The following RHOT1 variants were observed in gnomAD, a reference collection of about 807,000 sequenced individuals.
The protein encoded by RHOT1 is ras homolog family member T1.
A neutral mutation model predicts 95.3 loss-of-function variants in RHOT1; 27 were observed. That is an observed-to-expected ratio of 0.28 (90% CI 0.21 to 0.39). The LOEUF (loss-of-function observed/expected upper bound fraction) is 0.39, where lower values mean the gene tolerates loss of function less well. Among genes scored for constraint, RHOT1 ranks in the 10% least tolerant of loss-of-function variants. RHOT1 has a pLI of 1.00. For missense variants in RHOT1, 578 were observed against 786.7 expected (o/e 0.73, Z 3.17); for synonymous variants, 227 against 263.5 (o/e 0.86, Z 1.34).
At chr17:32,174,813 G>A (rs2034862928) in intron 3 of RHOT1, among the ~76,000 whole-genome samples, 1 of 152,136 alleles carries the variant, frequency 6.6e-6, no homozygotes, top group South Asian at 2.1e-4. Flanking sequence ...CACCCATTGA[G>A]ACCAGTTCTA....
rs16967164 is a variant in RHOT1 at position 32,206,951 on chromosome 17, A to G, written c.1458A>G (p.Glu486=). Residue 486 remains glutamate (E), a synonymous_variant, in exon 17 of 20, where the codon GAA becomes GAG. Transcript: ENST00000545287. ...ISESEFLTEA[E]IICDVVCLVY... ...AATCGGAATTTCTAACTGAAGCTGA[A>G]ATCATTTGTGATGTTGTATGCCTGG... 322,302 of 1,603,316 alleles carry G rather than the reference A, an allele frequency of 0.2. 37,813 individuals are homozygous for G. The highest frequency in any genetic ancestry group is 0.52 in the African/African-American group (38,465 of 74,458).
chr17:32,146,786 G>A (rs1321404502), intron 1 of RHOT1, among the ~76,000 whole-genome samples: 1 of 150,812 alleles, frequency 6.6e-6, no homozygotes, highest in Non-Finnish European at 1.5e-5. Context: ...ACAGGGTCTT[G>A]CTCTGTCGCC....
At position 32,186,221 on chromosome 17, in the gene RHOT1, A is replaced by G. The variant is rs192332607; in HGVS notation, c.540+2949A>G. On this transcript the variant is annotated intron_variant, in intron 8 of 19. Coordinates refer to ENST00000545287, the MANE Select transcript of RHOT1 (RefSeq NM_001033566.3). Reference sequence around the variant, plus strand: ...TTTTACTTTTCTTTTTTGGTTTATTATAGCCATCCTAGTAGATGTGGTTGG... The same window carrying G: ...TTTTACTTTTCTTTTTTGGTTTATTGTAGCCATCCTAGTAGATGTGGTTGG... Among the ~76,000 whole-genome samples, 296 of 152,134 alleles carry G rather than the reference A, an allele frequency of 1.9e-3. 2 individuals are homozygous for G. Among genetic ancestry groups the G allele is most frequent in the Admixed American group, 5.8e-3 (88 of 15,274 alleles).
At chr17:32,160,784 T>C (rs956551835) in intron 1 of RHOT1, among the ~76,000 whole-genome samples, 7 of 152,212 alleles carry the variant, frequency 4.6e-5, no homozygotes, top group African/African-American at 1.7e-4. Flanking sequence ...ACCCCATGCT[T>C]GCTCACACAT....
At chr17:32,171,587 TA>T (rs1287718020) in intron 2 of RHOT1, among the ~76,000 whole-genome samples, 2 of 152,204 alleles carry the variant, frequency 1.3e-5, no homozygotes, top group African/African-American at 4.8e-5. Flanking sequence ...AAATGTCATA[TA>T]AGCTCTGTGA....
Position 32,142,679 on chromosome 17 carries a change from C to A in RHOT1, c.-14C>A, listed in dbSNP as rs1354293055. The stretch of plus-strand genomic sequence containing the variant: ...GTGCGTGCGGGCGGAGGCCGGCCCC[C>A]GAGAGCCGCCGACATGAAGAAAGAC... On this transcript the variant is annotated 5_prime_UTR_variant, in exon 1 of 20. Coordinates refer to ENST00000545287, the MANE Select transcript of RHOT1 (RefSeq NM_001033566.3). The A allele has an allele frequency of 2.8e-5, 43 of 1,529,002 alleles. No homozygotes were observed. The highest frequency in any genetic ancestry group is 3.5e-6 in the Non-Finnish European group (4 of 1,139,192). 94.7% of individuals were successfully genotyped at this position (1,529,002 alleles called of 1,614,324 possible).
chr17:32,189,222 C>T (rs1236672313), intron 8 of RHOT1, among the ~76,000 whole-genome samples: 3 of 152,218 alleles, frequency 2.0e-5, no homozygotes, highest in African/African-American at 7.2e-5. Flanking sequence ...TGGCATGAAC[C>T]CAGGAGACGG....
Position 32,171,141 on chromosome 17 carries a change from T to C in RHOT1, c.96+40T>C, listed in dbSNP as rs550904943. ...TTCCATATTTAAATTTTAAAAAATT[T>C]ATCAAAATCAAATTAAAATGAACTG... is the stretch of plus-strand genomic sequence containing the variant. On this transcript the variant is annotated intron_variant, in intron 2 of 19. Coordinates refer to ENST00000545287, the MANE Select transcript of RHOT1 (RefSeq NM_001033566.3). 3.0e-6 allele frequency: 4 copies of C among 1,345,936 alleles called. No homozygotes were observed. In the East Asian group the frequency reaches 9.9e-5, roughly 33 times the overall value. 83.4% of individuals were successfully genotyped at this position (1,345,936 alleles called of 1,614,324 possible).
At position 32,199,415 on chromosome 17, in the gene RHOT1, G is replaced by A; in HGVS notation, c.965G>A (p.Cys322Tyr). 1.9e-6 allele frequency: 3 copies of A among 1,612,294 alleles called. No homozygotes were observed. Among genetic ancestry groups the A allele is most frequent in the Non-Finnish European group, 2.5e-6 (3 of 1,179,402 alleles). The change falls in exon 13 of 20, where the codon TGT becomes TAT. Residue 322 changes from cysteine (C) to tyrosine (Y), a missense_variant. Cys to Tyr is a radical substitution (Grantham distance 194, BLOSUM62 -2). This residue lies in a region of RHOT1 where 227 missense variants were observed against 316.0 expected (regional missense o/e 0.72). Transcript: ENST00000545287. ...TFDKHDLDRD[C>Y]ALSPDELKDL... ...CTTGTGTTTCTTCAGGATAGAGACT[G>A]TGCTTTGTCACCTGATGAGCTTAAA...
chr17:32,170,296 T>C (rs1358800149), intron 1 of RHOT1, among the ~76,000 whole-genome samples: 1 of 151,848 alleles, frequency 6.6e-6, no homozygotes. Context: ...ATGCCTATAA[T>C]CCCAGCTACT....
rs1461103587 is a variant in RHOT1 at position 32,209,354 on chromosome 17, G to A, written c.1739+1045G>A. On this transcript the variant is annotated intron_variant, in intron 18 of 19. Coordinates refer to ENST00000545287, the MANE Select transcript of RHOT1 (RefSeq NM_001033566.3). The stretch of plus-strand genomic sequence containing the variant: ...TCTCATGTATGTTATCTACAGAGAG[G>A]ATCATTACAGAGACAGACTCTCCCG... 3 of 1,590,924 alleles carry A rather than the reference G, an allele frequency of 1.9e-6. No individual in the cohort carries two copies. The highest frequency in any genetic ancestry group is 2.7e-5 in the African/African-American group (2 of 74,334).
chr17:32,189,762 AGTCTCT>A (rs1349574292), intron 8 of RHOT1, among the ~76,000 whole-genome samples: 1 of 117,324 alleles, frequency 8.5e-6, no homozygotes, highest in African/African-American at 3.5e-5. Flanking sequence ...TTTGAGATGG[AGTCTCT>A]GTCTCCCAGG....
At chr17:32,206,584 T>G (rs957053179) in intron 16 of RHOT1, among the ~76,000 whole-genome samples, 1 of 151,690 alleles carries the variant, frequency 6.6e-6, no homozygotes, top group Non-Finnish European at 1.5e-5. Flanking sequence ...CCCTAGTAGC[T>G]GGGACTACAG....
intron 1 of RHOT1, among the ~76,000 whole-genome samples, chr17:32,146,023 A>G (rs980994081): frequency 2.6e-5 from 4 of 152,210 alleles, no homozygotes; most frequent in Non-Finnish European, 4.4e-5. Context: ...CTCAGAAAAT[A>G]GATGTATATC....
intron 8 of RHOT1, among the ~76,000 whole-genome samples, chr17:32,186,051 A>G (rs1250270872): frequency 6.6e-6 from 1 of 152,164 alleles, no homozygotes; most frequent in African/African-American, 2.4e-5. Flanking sequence ...TACATTTAGT[A>G]GTTGAATTGC....
At chr17:32,170,963 A>G in intron 1 of RHOT1, 80 bp from the exon 2 acceptor site, 7 of 834,996 alleles carry the variant, frequency 8.4e-6, no homozygotes, top group South Asian at 1.6e-5. Context: ...AATGAGTAAC[A>G]GACTGCCTTA....
intron 18 of RHOT1, among the ~76,000 whole-genome samples, chr17:32,210,509 A>G (rs2038056555): frequency 6.6e-6 from 1 of 152,190 alleles, no homozygotes; most frequent in African/African-American, 2.4e-5. Flanking sequence ...AATCAACCCT[A>G]TATTTTATTT....
At chr17:32,221,916 C>CAT (rs1466376848) in intron 19 of RHOT1, among the ~76,000 whole-genome samples, 1 of 152,108 alleles carries the variant, frequency 6.6e-6, no homozygotes, top group Non-Finnish European at 1.5e-5. Context: ...GCCTGGACAA[C>CAT]ATAGTGAGAC....
chr17:32,223,747 G>A, intron 19 of RHOT1, among the ~76,000 whole-genome samples: 1 of 152,056 alleles, frequency 6.6e-6, no homozygotes, highest in East Asian at 1.9e-4. Context: ...TCTCAATTGT[G>A]TTCACTTAGT....
Sources: allele counts gnomAD v4.1 joint callset (sites outside exome capture counted in the v4.1 genomes callset), GRCh38; gene constraint gnomAD v4.1.1; regional missense constraint gnomAD v4.1.1; transcripts MANE v1.5; gene names NCBI Gene and HGNC (gene_info 2026-07-23, HGNC 2026-07-21).